The following CRPPA variants were observed in gnomAD, a reference collection of about 807,000 sequenced individuals.
CRPPA encodes D-ribitol-5-phosphate cytidylyltransferase.
CRPPA carries 43 observed loss-of-function variants against 52.0 expected under a neutral mutation model. That is an observed-to-expected ratio of 0.83 (90% CI 0.65 to 1.07). CRPPA has a LOEUF of 1.07. CRPPA is among the 50% of genes least tolerant of loss of function. CRPPA has a pLI of 0.00. For missense variants in CRPPA, 629 were observed against 551.7 expected, an observed-to-expected ratio of 1.14 and a Z score of -1.40; for synonymous variants, 250 against 203.5, an observed-to-expected ratio of 1.23 and a Z score of -1.94.
At position 16,119,244 on chromosome 7, in the gene CRPPA, C is replaced by T. The variant is rs577075762; in HGVS notation, c.1252-27445G>A. Among the ~76,000 whole-genome samples the T allele has an allele frequency of 5.3e-5, 8 of 152,172 alleles. No individual in the cohort carries two copies. The East Asian group carries it at 5.8e-4, about 11-fold the overall frequency. On this transcript the variant is annotated intron_variant, in intron 9 of 9. Coordinates refer to ENST00000407010, the MANE Select transcript of CRPPA (RefSeq NM_001101426.4). Reference sequence around the variant, plus strand: ...ATGGTAAGACAAGGACTGTGCCCTCCGTATCATGTGGGTCCTTTGCCCAGC... The same window carrying T: ...ATGGTAAGACAAGGACTGTGCCCTCTGTATCATGTGGGTCCTTTGCCCAGC...
In CRPPA at chr7:16,208,189, T is replaced by A. The variant is rs73681790; in HGVS notation, c.1251+7877A>T. 3.5e-3 allele frequency among the ~76,000 whole-genome samples: 539 copies of A among 152,314 alleles called. 2 individuals are homozygous for A. Among genetic ancestry groups the A allele is most frequent in the African/African-American group, 0.012 (510 of 41,578 alleles). On this transcript the variant is annotated intron_variant, in intron 9 of 9. Transcript: ENST00000407010. ...TGCTTTAATTAAAACATAAAACTCATAAAGTGTCAAAAATAATTCCTTTTG... is the reference window on the plus strand; with the variant it reads ...TGCTTTAATTAAAACATAAAACTCAAAAAGTGTCAAAAATAATTCCTTTTG...
At chr7:16,174,990 G>T (rs1346185800) in intron 9 of CRPPA, among the ~76,000 whole-genome samples, 1 of 152,104 alleles carries the variant, frequency 6.6e-6, no homozygotes, top group Non-Finnish European at 1.5e-5. Context: ...ACTGAGAGAA[G>T]GGTAAGATTT....
intron 4 of CRPPA, among the ~76,000 whole-genome samples, chr7:16,304,609 C>T (rs1319580307): frequency 1.3e-5 from 2 of 151,910 alleles, no homozygotes; most frequent in Non-Finnish European, 2.9e-5. Context: ...CCACTGCACT[C>T]CAGCCTGGGT....
At chr7:16,183,710 G>C (rs1781453479) in intron 9 of CRPPA, among the ~76,000 whole-genome samples, 1 of 151,996 alleles carries the variant, frequency 6.6e-6, no homozygotes, top group Admixed American at 6.6e-5. Context: ...CAATTGAAAA[G>C]ATGACCCCAA....
intron 2 of CRPPA, among the ~76,000 whole-genome samples, chr7:16,401,281 C>G (rs1345276582): frequency 1.3e-5 from 2 of 152,146 alleles, no homozygotes; most frequent in Admixed American, 6.5e-5. Flanking sequence ...CTCCCAGGAA[C>G]CTGGAATAAA....
intron 9 of CRPPA, among the ~76,000 whole-genome samples, chr7:16,125,397 T>C (rs1448242923): frequency 6.6e-6 from 1 of 152,164 alleles, no homozygotes; most frequent in Non-Finnish European, 1.5e-5. Flanking sequence ...GTCTCTGTCA[T>C]TTACTATGGG....
chr7:16,119,773 G>A (rs1782446486), intron 9 of CRPPA, among the ~76,000 whole-genome samples: 1 of 152,182 alleles, frequency 6.6e-6, no homozygotes, highest in Non-Finnish European at 1.5e-5. Flanking sequence ...TTCACCAGAG[G>A]CCGGTTTTGG....
chr7:16,189,098 A>T (rs1193823653), intron 9 of CRPPA, among the ~76,000 whole-genome samples: 1 of 152,222 alleles, frequency 6.6e-6, no homozygotes, highest in Admixed American at 6.5e-5. Context: ...ACACATTAAA[A>T]AAAACCTCAT....
At chr7:16,250,398 G>C (rs752646532) in intron 8 of CRPPA, among the ~76,000 whole-genome samples, 2 of 152,082 alleles carry the variant, frequency 1.3e-5, no homozygotes, top group African/African-American at 2.4e-5. Context: ...TCCTCGAAAA[G>C]AGCAACCCCA....
intron 9 of CRPPA, among the ~76,000 whole-genome samples, chr7:16,149,806 T>A (rs1783040607): frequency 6.6e-6 from 1 of 151,922 alleles, no homozygotes; most frequent in African/African-American, 2.4e-5. Context: ...GGCAACACGG[T>A]GAAACCCCGT....
rs1309280161 is a variant in CRPPA at position 16,148,421 on chromosome 7, G to T, written c.1252-56622C>A. Among the ~76,000 whole-genome samples the T allele has an allele frequency of 2.0e-5, 3 of 152,092 alleles. No individual in the cohort carries two copies. The East Asian group carries it at 5.8e-4, about 29-fold the overall frequency. ...AACAGACGAATGGATAAAAAAATGT[G>T]GTACATATACACAATGGAATACTAT... On this transcript the variant is annotated intron_variant, in intron 9 of 9. Coordinates refer to ENST00000407010, the MANE Select transcript of CRPPA (RefSeq NM_001101426.4).
intron 3 of CRPPA, among the ~76,000 whole-genome samples, chr7:16,355,820 C>T (rs1786280392): frequency 6.6e-6 from 1 of 152,112 alleles, no homozygotes; most frequent in South Asian, 2.1e-4. Context: ...AGCAAAGGGG[C>T]CGCCCACCAG....
intron 9 of CRPPA, among the ~76,000 whole-genome samples, chr7:16,207,526 A>G (rs745974553): frequency 2.0e-5 from 3 of 152,234 alleles, no homozygotes; most frequent in Non-Finnish European, 4.4e-5. Context: ...AGTGTTGCAT[A>G]AAGTGAAAAC....
At chr7:16,395,263 C>A (rs577047017) in intron 2 of CRPPA, among the ~76,000 whole-genome samples, 1 of 152,294 alleles carries the variant, frequency 6.6e-6, no homozygotes, top group East Asian at 1.9e-4. Flanking sequence ...TGATACAAAT[C>A]ATAAAATGTG....
Position 16,091,765 on chromosome 7 carries a change from C to T in CRPPA, c.1286G>A (p.Gly429Asp). ...DQKLQESLRQ[G>D]AIIIASLIKE... Reference sequence around the variant, plus strand: ...GATTAATGAAGCAATAATGATAGCACCTTGCCTTAAACTCTCCTGTAGCTT... The same window carrying T: ...GATTAATGAAGCAATAATGATAGCATCTTGCCTTAAACTCTCCTGTAGCTT... Residue 429 changes from glycine (G) to aspartate (D), a missense_variant, in exon 10 of 10, where the codon GGT becomes GAT. Gly to Asp is a moderately conservative substitution (Grantham distance 94). Transcript: ENST00000407010. 3 of 1,557,914 alleles carry T rather than the reference C, an allele frequency of 1.9e-6. No homozygotes were observed. Among genetic ancestry groups the T allele is most frequent in the Non-Finnish European group, 1.7e-6 (2 of 1,149,756 alleles).
intron 9 of CRPPA, among the ~76,000 whole-genome samples, chr7:16,172,222 C>A (rs908571923): frequency 1.3e-5 from 2 of 152,188 alleles, no homozygotes; most frequent in South Asian, 2.1e-4. Context: ...TACAAGAAGA[C>A]TGAGCAAAGT....
At chr7:16,231,186 G>A (rs577530790) in intron 8 of CRPPA, among the ~76,000 whole-genome samples, 1 of 152,238 alleles carries the variant, frequency 6.6e-6, no homozygotes, top group South Asian at 2.1e-4. Flanking sequence ...CCAGAGTTGG[G>A]GAGGAGTAAC....
intron 3 of CRPPA, among the ~76,000 whole-genome samples, chr7:16,358,319 G>T (rs1786357064): frequency 1.3e-5 from 2 of 152,166 alleles, no homozygotes; most frequent in South Asian, 4.1e-4. Context: ...GATGTCTTAA[G>T]CAAGGGAGAT....
chr7:16,169,179 C>T (rs755617336), intron 9 of CRPPA, among the ~76,000 whole-genome samples: 5 of 152,124 alleles, frequency 3.3e-5, no homozygotes, highest in Admixed American at 1.3e-4. Context: ...CTTATATCTT[C>T]CAATACCCAG....
Sources: gnomAD v4.1 joint callset for allele counts (sites outside exome capture counted in the v4.1 genomes callset) on GRCh38, gnomAD v4.1.1 for gene constraint, MANE v1.5 for transcripts, NCBI Gene and HGNC (gene_info 2026-07-23, HGNC 2026-07-21) for gene names.